DNAH17: variants seen among roughly 807,000 people sequenced by gnomAD.
DNAH17 encodes axonemal beta dynein heavy chain 17.
Under a neutral mutation model 485.6 loss-of-function variants are expected in DNAH17, and 376 were observed. That is an observed-to-expected ratio of 0.77 (90% CI 0.71 to 0.84). The LOEUF is 0.84. DNAH17 is among the 40% of genes least tolerant of loss of function. The pLI, the probability that DNAH17 is intolerant of heterozygous loss-of-function variation, is 0.00. For synonymous variants in DNAH17, 3,031 were observed against 2,405.9 expected, an observed-to-expected ratio of 1.26 and a Z score of -7.60; for missense variants, 6,370 against 5,839.3, an observed-to-expected ratio of 1.09 and a Z score of -2.96.
intron 71 of DNAH17, 113 bp downstream of exon 71, chr17:78,444,491 A>G: frequency 9.4e-7 from 1 of 1,064,494 alleles, no homozygotes; most frequent in Non-Finnish European, 1.3e-6. Flanking sequence ...GGGAGAAGAA[A>G]AAAGTTCAGG....
chr17:78,450,913 C>G, intron 66 of DNAH17, 67 bp from the exon 67 acceptor site: 1 of 1,576,330 alleles, frequency 6.3e-7, no homozygotes, highest in South Asian at 1.1e-5. Flanking sequence ...GGGCCTCCCT[C>G]AGGTGGCCAT....
intron 31 of DNAH17, among the ~76,000 whole-genome samples, chr17:78,504,048 CCCT>C (rs1198281448): frequency 1.3e-5 from 2 of 150,754 alleles, no homozygotes; most frequent in Non-Finnish European, 3.0e-5. Context: ...GAGAAAAAAA[CCCT>C]CAAGTGGACA....
chr17:78,571,562 C>T (rs759683990), intron 4 of DNAH17, 28 bp downstream of exon 4: 3 of 1,612,332 alleles, frequency 1.9e-6, no homozygotes, highest in East Asian at 2.2e-5. Context: ...GACGAGGCTG[C>T]AGCCCCACAG....
chr17:78,499,890 C>A (rs1232361063), intron 36 of DNAH17: 2 of 159,036 alleles, frequency 1.3e-5, no homozygotes, highest in Non-Finnish European at 2.8e-5. Flanking sequence ...CCGACGATGT[C>A]CTGTGCAGGC....
At chr17:78,548,875 G>A (rs572694717) in intron 16 of DNAH17, among the ~76,000 whole-genome samples, 14 of 152,354 alleles carry the variant, frequency 9.2e-5, no homozygotes, top group Admixed American at 5.9e-4. Flanking sequence ...TGTTCTCCCC[G>A]GCTCTGCTTC....
chr17:78,463,041 A>T lies in DNAH17; in HGVS notation c.8977T>A (p.Tyr2993Asn). ...VKASISFFMS[Y>N]VHTTVNEMSR... ...ATCTCGTTGACGGTGGTGTGCACGT[A>T]GGACATGAAGAAGCTGATGGAGGCC... The change falls in exon 57 of 81, where the codon TAC becomes AAC. Residue 2993 changes from tyrosine to asparagine, a missense_variant. Physicochemically the swap from Tyr to Asn is moderately radical, Grantham distance 143. Transcript: ENST00000389840. 6.2e-7 allele frequency: 1 copy of T among 1,613,976 alleles called. No individual in the cohort carries two copies. Among genetic ancestry groups the T allele is most frequent in the Non-Finnish European group, 8.5e-7 (1 of 1,179,894 alleles).
At chr17:78,465,192 G>C (rs570663991) in intron 56 of DNAH17, among the ~76,000 whole-genome samples, 3 of 152,194 alleles carry the variant, frequency 2.0e-5, no homozygotes, top group African/African-American at 7.2e-5. Flanking sequence ...TCGGCCTCCC[G>C]AGGTGCCGGG....
In DNAH17 at chr17:78,429,249, G is replaced by A; in HGVS notation, c.12277C>T (p.His4093Tyr). The A allele has an allele frequency of 6.2e-7, 1 of 1,613,936 alleles. No individual in the cohort carries two copies. Among genetic ancestry groups the A allele is most frequent in the Non-Finnish European group, 8.5e-7 (1 of 1,179,896 alleles). Residue 4093 changes from histidine to tyrosine, a missense_variant, in exon 76 of 81, where the codon CAC becomes TAC. Transcript: ENST00000389840. ...YLFGEIMYGGHITDDWDRRLC... is the reference protein window; with the variant it reads ...YLFGEIMYGGYITDDWDRRLC... Reference sequence around the variant, plus strand: ...CGACGGTCCCAGTCATCTGTGATGTGGCCGCCATACATGATTTCACCAAAA... The same window carrying A: ...CGACGGTCCCAGTCATCTGTGATGTAGCCGCCATACATGATTTCACCAAAA...
intron 75 of DNAH17, among the ~76,000 whole-genome samples, chr17:78,432,230 T>A (rs951138059): frequency 2.7e-5 from 4 of 150,674 alleles, no homozygotes; most frequent in African/African-American, 9.8e-5. Context: ...AAAAAAAAAA[T>A]TCTAGCCAGA....
In DNAH17 at chr17:78,439,146, C is replaced by G. The variant is rs2086970536; in HGVS notation, c.11749G>C (p.Val3917Leu). 8 of 1,613,728 alleles carry G rather than the reference C, an allele frequency of 5.0e-6. No individual in the cohort carries two copies. In the East Asian group the frequency reaches 1.8e-4, roughly 36 times the overall value. The change falls in exon 73 of 81, where the codon GTG becomes CTG. Residue 3917 changes from valine (V) to leucine (L), a missense_variant. Coordinates refer to ENST00000389840, the MANE Select transcript of DNAH17 (RefSeq NM_173628.4). ...GCCACGTCCAGGGCGTTCTCAGCCA[C>G]CACCTCTTGTCCCTGCCCCAGGGAC... is the stretch of plus-strand genomic sequence containing the variant. ...NVSLGQGQEV[V>L]AENALDVAAE...
intron 58 of DNAH17, 135 bp downstream of exon 58, chr17:78,461,409 T>C: frequency 1.0e-6 from 1 of 990,250 alleles, no homozygotes; most frequent in Non-Finnish European, 1.4e-6. Flanking sequence ...TCCCACTGGT[T>C]TAGGAACCTT....
chr17:78,504,142 T>G (rs1209535231), intron 31 of DNAH17, among the ~76,000 whole-genome samples: 1 of 151,228 alleles, frequency 6.6e-6, no homozygotes, highest in Non-Finnish European at 1.5e-5. Context: ...CTCGGCTCAC[T>G]GCAACCTCTG....
At chr17:78,501,373 C>A in intron 34 of DNAH17, 29 bp from the exon 35 acceptor site, 2 of 1,569,148 alleles carry the variant, frequency 1.3e-6, no homozygotes, top group South Asian at 1.2e-5. Context: ...CTCTTGTTGC[C>A]AGGTGGAATA....
At chr17:78,425,623 A>G (rs2086412417) in intron 79 of DNAH17, 52 bp from the exon 80 acceptor site, 1 of 1,505,354 alleles carries the variant, frequency 6.6e-7, no homozygotes, top group Non-Finnish European at 8.9e-7. Context: ...TGACATGGGA[A>G]CGACCGGGCC....
rs141868651 is a variant in DNAH17, at chr17:78,469,003, G to A, written c.8512-120C>T. 1.1e-3 allele frequency: 1,488 copies of A among 1,294,968 alleles called. 13 individuals are homozygous for A. The highest frequency in any genetic ancestry group is 0.011 in the African/African-American group (757 of 67,194). 80.2% of individuals were successfully genotyped at this position (1,294,968 alleles called of 1,614,324 possible). A position where few individuals can be genotyped will look rare whatever the true frequency, so the allele number is the denominator to read the frequency against. On this transcript the variant is annotated intron_variant, in intron 54 of 80. Coordinates refer to ENST00000389840, the MANE Select transcript of DNAH17 (RefSeq NM_173628.4). ...CTTTGAGACGGAGTCTCGCTCTGTCGCCCAGGCTGGAGTGCAATGGCACAA... is the reference window on the plus strand; with the variant it reads ...CTTTGAGACGGAGTCTCGCTCTGTCACCCAGGCTGGAGTGCAATGGCACAA...
intron 55 of DNAH17, among the ~76,000 whole-genome samples, 163 bp downstream of exon 55, chr17:78,468,454 G>T (rs778785586): frequency 6.6e-6 from 1 of 152,014 alleles, no homozygotes; most frequent in Non-Finnish European, 1.5e-5. Flanking sequence ...AAGTCTCCAG[G>T]CTCCGGTTCA....
Position 78,561,803 on chromosome 17 carries a change from G to A in DNAH17, c.1747C>T (p.Pro583Ser). 6.2e-7 allele frequency: 1 copy of A among 1,613,798 alleles called. No individual in the cohort carries two copies. The highest frequency in any genetic ancestry group is 8.5e-7 in the Non-Finnish European group (1 of 1,179,806). ...GNIPLIHKNMPPVAGQLKWSL... is the reference protein window; with the variant it reads ...GNIPLIHKNMSPVAGQLKWSL... Reference sequence around the variant, plus strand: ...CATTTGAGCTGCCCGGCCACGGGAGGCATGTTTTTGTGGATCAGGGGGATG... The same window carrying A: ...CATTTGAGCTGCCCGGCCACGGGAGACATGTTTTTGTGGATCAGGGGGATG... The change falls in exon 12 of 81, where the codon CCT becomes TCT. Residue 583 changes from proline to serine, a missense_variant. Coordinates refer to ENST00000389840, the MANE Select transcript of DNAH17 (RefSeq NM_173628.4).
At chr17:78,444,120 G>C (rs2087179924) in intron 71 of DNAH17, among the ~76,000 whole-genome samples, 1 of 152,200 alleles carries the variant, frequency 6.6e-6, no homozygotes, top group African/African-American at 2.4e-5. Flanking sequence ...TTTTGCCACA[G>C]AGGTACTCAA....
At chr17:78,573,731 G>A (rs540501714) in intron 2 of DNAH17, among the ~76,000 whole-genome samples, 3 of 152,156 alleles carry the variant, frequency 2.0e-5, no homozygotes, top group Admixed American at 1.3e-4. Context: ...GGGAGAAGAT[G>A]TCCATCTGCA....
Sources: gnomAD v4.1 joint callset for allele counts (sites outside exome capture counted in the v4.1 genomes callset) on GRCh38, gnomAD v4.1.1 for gene constraint, MANE v1.5 for transcripts, NCBI Gene and HGNC (gene_info 2026-07-23, HGNC 2026-07-21) for gene names.